Variants in FGD2 observed in about 807,000 individuals in gnomAD.
FGD2 encodes the protein FYVE, RhoGEF and PH domain-containing protein 2.
In FGD2, 52 loss-of-function variants were observed where a neutral mutation model predicts 75.9. The observed-to-expected ratio is 0.69, with a 90% CI of 0.55 to 0.86. The LOEUF is 0.86. FGD2 is among the 40% of genes least tolerant of loss of function. The pLI is 0.00. For missense variants in FGD2, 790 were observed against 872.0 expected (o/e 0.91, Z 1.18); for synonymous variants, 347 against 348.6 (o/e 1.00, Z 0.05).
chr6:37,026,114 C>T, intron 14 of FGD2, 176 bp downstream of exon 14: 2 of 985,440 alleles, frequency 2.0e-6, no homozygotes, highest in Non-Finnish European at 1.2e-6. Flanking sequence ...CGCCACAGCC[C>T]AGGCAGTGTG....
At chr6:37,020,852 ATTTG>A in intron 11 of FGD2, 113 bp downstream of exon 11, 2 of 1,426,738 alleles carry the variant, frequency 1.4e-6, no homozygotes, top group Non-Finnish European at 1.9e-6. Context: ...TCCCTAGCCT[ATTTG>A]GGCTGAAGGG....
Position 37,008,906 on chromosome 6 carries a change from G to T in FGD2, c.141G>T (p.Glu47Asp). 1 of 1,614,190 alleles carries T rather than the reference G, an allele frequency of 6.2e-7. No homozygotes were observed. Among genetic ancestry groups the T allele is most frequent in the Non-Finnish European group, 8.5e-7 (1 of 1,180,006 alleles). Residue 47 changes from glutamate to aspartate, a missense_variant, in exon 2 of 16, where the codon GAG becomes GAT. Glu to Asp is a conservative substitution (Grantham distance 45). Transcript: ENST00000274963. ...VHHRPECRPP[E>D]SPGPREKTNV... ...ACCGCCCTGAGTGCAGGCCTCCCGA[G>T]TCCCCAGGACCACGGGAGAAGACGA... is the stretch of plus-strand genomic sequence containing the variant.
rs777685402 is a variant in FGD2 at position 37,008,930 on chromosome 6, G to A, written c.165G>A (p.Thr55=). 7.4e-6 allele frequency: 12 copies of A among 1,614,116 alleles called. No individual in the cohort carries two copies. The highest frequency in any genetic ancestry group is 1.0e-5 in the Non-Finnish European group (12 of 1,180,048). Residue 55 remains threonine (T), a synonymous_variant, in exon 2 of 16, where the codon ACG becomes ACA. Coordinates refer to ENST00000274963, the MANE Select transcript of FGD2 (RefSeq NM_173558.4). ...AGTCCCCAGGACCACGGGAGAAGAC[G>A]AATGTCGGGGAGGCCGTGGGGTCTG... ...PPESPGPREK[T]NVGEAVGSEP... is the part of the protein sequence containing the mutation.
At chr6:37,026,000 A>G in intron 14 of FGD2, 62 bp downstream of exon 14, 2 of 1,589,578 alleles carry the variant, frequency 1.3e-6, no homozygotes, top group Non-Finnish European at 1.7e-6. Context: ...GTGCCCGGCA[A>G]CCATGCTGGG....
At chr6:37,015,376 C>T (rs1765234017) in intron 8 of FGD2, among the ~76,000 whole-genome samples, 2 of 152,150 alleles carry the variant, frequency 1.3e-5, no homozygotes, top group African/African-American at 4.8e-5. Context: ...GGAAGAACTG[C>T]CCTGGGTTTG....
intron 1 of FGD2, among the ~76,000 whole-genome samples, chr6:37,006,572 G>A (rs75407410): frequency 6.6e-6 from 1 of 152,208 alleles, no homozygotes; most frequent in East Asian, 1.9e-4. Context: ...GGCCAGATGC[G>A]TGGAGTCATT....
At chr6:37,010,918 A>G in intron 2 of FGD2, 55 bp from the exon 3 acceptor site, 2 of 1,537,674 alleles carry the variant, frequency 1.3e-6, no homozygotes, top group Non-Finnish European at 1.8e-6. Context: ...CCATCAGAGG[A>G]GACCAAAGCT....
rs1032001893 is a variant in FGD2 at position 37,008,542 on chromosome 6, T to A, written c.69-292T>A. Among the ~76,000 whole-genome samples the A allele has an allele frequency of 7.2e-5, 11 of 152,296 alleles. No individual in the cohort carries two copies. The East Asian group carries it at 2.1e-3, about 29-fold the overall frequency. ...AGGGGGTACCACTCAAAAACCCCTA[T>A]ATACAGAAAGGATTCCTGGACACTG... On this transcript the variant is annotated intron_variant, in intron 1 of 15. Coordinates refer to ENST00000274963, the MANE Select transcript of FGD2 (RefSeq NM_173558.4).
chr6:37,018,222 C>T lies in FGD2; in HGVS notation c.1123-2319C>T, dbSNP rs148731607. Among the ~76,000 whole-genome samples, 206 of 152,218 alleles carry T rather than the reference C, an allele frequency of 1.4e-3. 2 individuals carry two copies. The highest frequency in any genetic ancestry group is 4.5e-3 in the African/African-American group (188 of 41,514). On this transcript the variant is annotated intron_variant, in intron 9 of 15. Coordinates refer to ENST00000274963, the MANE Select transcript of FGD2 (RefSeq NM_173558.4). ...GTCATAGAGAGAAAACAGAGAGAGCCGAGCCTGAGAGCATCAGATGCTTTG... is the reference window on the plus strand; with the variant it reads ...GTCATAGAGAGAAAACAGAGAGAGCTGAGCCTGAGAGCATCAGATGCTTTG...
Position 37,021,243 on chromosome 6 carries a change from C to A in FGD2, c.1234-269C>A, listed in dbSNP as rs543299820. 8.5e-5 allele frequency among the ~76,000 whole-genome samples: 13 copies of A among 152,184 alleles called. 1 individual carries two copies. The highest frequency in any genetic ancestry group is 8.3e-4 in the South Asian group (4 of 4,826). The stretch of plus-strand genomic sequence containing the variant: ...AGCTGCTCTGTGGTAGTTTGGAGAC[C>A]GATCTGGGTTCCTATCTTGCTGCTT... On this transcript the variant is annotated intron_variant, in intron 11 of 15. Coordinates refer to ENST00000274963, the MANE Select transcript of FGD2 (RefSeq NM_173558.4).
Position 37,022,532 on chromosome 6 carries a change from C to T in FGD2, c.1458+162C>T, listed in dbSNP as rs369890732. 8 of 983,698 alleles carry T rather than the reference C, an allele frequency of 8.1e-6. No homozygotes were observed. The East Asian group carries it at 1.3e-4, about 16-fold the overall frequency. 60.9% of individuals were successfully genotyped at this position (983,698 alleles called of 1,614,324 possible). On this transcript the variant is annotated intron_variant, in intron 13 of 15. Transcript: ENST00000274963. The stretch of plus-strand genomic sequence containing the variant: ...TCTGTGTCACCTCCACCTGTCCCTC[C>T]GAGGCCTCCACCTGTGTCACCCAGG...
chr6:37,027,520 G>T lies in FGD2; in HGVS notation c.1697G>T (p.Trp566Leu). Residue 566 changes from tryptophan to leucine, a missense_variant, in exon 15 of 16, where the codon TGG (tryptophan) becomes TTG (leucine). By Grantham distance (61) the Trp-to-Leu change is moderately conservative. Transcript: ENST00000274963. ...DKWGKSGPRG[W>L]CVIPRDDPLV... ...TGGGGCAAGAGCGGCCCCCGGGGCT[G>T]GTGTGTGATCCCTCGGGATGACCCC... The T allele has an allele frequency of 6.2e-7, 1 of 1,614,140 alleles. No homozygotes were observed. Among genetic ancestry groups the T allele is most frequent in the Non-Finnish European group, 8.5e-7 (1 of 1,180,002 alleles).
rs752828413 is a variant in FGD2 at position 37,008,874 on chromosome 6, G to A, written c.109G>A (p.Val37Met). The change falls in exon 2 of 16, where the codon GTG (valine) becomes ATG (methionine). Residue 37 changes from valine (V) to methionine (M), a missense_variant. Coordinates refer to ENST00000274963, the MANE Select transcript of FGD2 (RefSeq NM_173558.4). The part of the protein sequence containing the change: ...AAPRGQRLED[V>M]HHRPECRPPE... ...ACCCAGAGGCCAGAGGCTAGAGGACGTGCATCACCGCCCTGAGTGCAGGCC... is the reference window on the plus strand; with the variant it reads ...ACCCAGAGGCCAGAGGCTAGAGGACATGCATCACCGCCCTGAGTGCAGGCC... 40 of 1,612,488 alleles carry A rather than the reference G, an allele frequency of 2.5e-5. No individual in the cohort carries two copies. The highest frequency in any genetic ancestry group is 5.3e-5 in the African/African-American group (4 of 74,892).
chr6:37,022,468 G>A (rs1393491383), intron 13 of FGD2, 98 bp downstream of exon 13: 1 of 1,446,000 alleles, frequency 6.9e-7, no homozygotes, highest in Non-Finnish European at 9.1e-7. Flanking sequence ...GCCTCCGCTT[G>A]ATCCACCTAG....
chr6:37,022,145 T>C (rs1486602592), intron 12 of FGD2, 94 bp from the exon 13 acceptor site: 1 of 1,474,600 alleles, frequency 6.8e-7, no homozygotes, highest in South Asian at 1.4e-5. Context: ...GAATCCCTGC[T>C]ACAGCAGGTG....
chr6:37,020,860 TGA>T, intron 11 of FGD2, 121 bp downstream of exon 11: 1 of 1,357,658 alleles, frequency 7.4e-7, no homozygotes, highest in Non-Finnish European at 1.0e-6. Context: ...CTATTTGGGC[TGA>T]AGGGGAGGGA....
chr6:37,010,891 A>T (rs1173959458), intron 2 of FGD2, 82 bp from the exon 3 acceptor site: 2 of 1,372,162 alleles, frequency 1.5e-6, no homozygotes, highest in Non-Finnish European at 2.1e-6. Context: ...GCAACTTTGG[A>T]GACTGAACCG....
chr6:37,019,576 T>C (rs2150779024), intron 9 of FGD2, among the ~76,000 whole-genome samples: 1 of 152,322 alleles, frequency 6.6e-6, no homozygotes, highest in South Asian at 2.1e-4. Context: ...TCTCAGCCTG[T>C]GTCTTAGGTT....
At chr6:37,008,524 A>G (rs763360944) in intron 1 of FGD2, among the ~76,000 whole-genome samples, 8 of 152,270 alleles carry the variant, frequency 5.3e-5, no homozygotes, top group Non-Finnish European at 1.2e-4. Flanking sequence ...TCCAGGGGGT[A>G]CCACTCAAAA....
Sources: gnomAD v4.1 joint callset for allele counts (sites outside exome capture counted in the v4.1 genomes callset) on GRCh38, gnomAD v4.1.1 for gene constraint, MANE v1.5 for transcripts, NCBI Gene and HGNC (gene_info 2026-07-23, HGNC 2026-07-21) for gene names.